Variants in ARGFX observed in about 807,000 individuals in gnomAD.
The protein encoded by ARGFX is arginine-fifty homeobox.
Under a neutral mutation model 8.0 loss-of-function variants are expected in ARGFX, and 10 were observed. The observed-to-expected ratio is 1.25, with a 90% CI of 0.77 to 2.12. The LOEUF (loss-of-function observed/expected upper bound fraction) is 2.12, where lower values mean the gene tolerates loss of function less well. ARGFX is among the 30% of genes most tolerant of loss of function. The probability of loss-of-function intolerance (pLI) is 0.00; values close to 1 mark genes in which losing one functional copy is unlikely to be tolerated. For synonymous variants in ARGFX, 116 were observed against 117.8 expected, an observed-to-expected ratio of 0.98 and a Z score of 0.10; for missense variants, 282 against 324.3, an observed-to-expected ratio of 0.87 and a Z score of 1.00.
chr3:121,576,821 G>T lies in ARGFX; in HGVS notation c.141G>T (p.Thr47=). 2.4e-6 allele frequency: 1 copy of T among 412,758 alleles called. No homozygotes were observed. Among genetic ancestry groups the T allele is most frequent in the Non-Finnish European group, 4.7e-6 (1 of 211,262 alleles). The allele number at this position is 412,758 out of a possible 1,614,324, so 25.6% of individuals were successfully genotyped here. ...TATCCAAGCTGGAGTGCAGTGGCAC[G>T]GTCTCGGCTTACTGCAGCCTCAACC... ...TLLSKLECSG[T]VSAYCSLNLP... The change falls in exon 3 of 5, where the codon ACG becomes ACT. Residue 47 remains threonine, a synonymous_variant. Transcript: ENST00000334384.
intron 4 of ARGFX, among the ~76,000 whole-genome samples, chr3:121,585,439 A>C (rs1284660174): frequency 2.0e-5 from 3 of 152,166 alleles, no homozygotes; most frequent in Middle Eastern, 3.2e-3. Context: ...GTTTATTCAT[A>C]ATGCTACCAA....
chr3:121,574,803 T>G (rs1372679030), intron 2 of ARGFX, among the ~76,000 whole-genome samples: 1 of 152,202 alleles, frequency 6.6e-6, no homozygotes, highest in Non-Finnish European at 1.5e-5. Context: ...GAATTGTTAT[T>G]TCTTACATCT....
At chr3:121,585,863 C>T (rs486813) in intron 4 of ARGFX, among the ~76,000 whole-genome samples, 159 bp from the exon 5 acceptor site, 149,170 of 152,228 alleles carry the variant, frequency 0.98, 73,162 homozygotes, top group East Asian at 1. Context: ...ATCCCTCCTA[C>T]TGACTCCAGT....
At chr3:121,569,718 T>G (rs1293327420) in intron 1 of ARGFX, among the ~76,000 whole-genome samples, 1 of 152,202 alleles carries the variant, frequency 6.6e-6, no homozygotes, top group African/African-American at 2.4e-5. Flanking sequence ...TCTGTGACAT[T>G]AAAATCCATT....
At chr3:121,580,717 G>A (rs1046559978) in intron 3 of ARGFX, among the ~76,000 whole-genome samples, 1 of 150,068 alleles carries the variant, frequency 6.7e-6, no homozygotes, top group African/African-American at 2.4e-5. Context: ...TGATTCTCCT[G>A]CATCAGCCTC....
intron 3 of ARGFX, among the ~76,000 whole-genome samples, chr3:121,581,911 A>T (rs908629860): frequency 6.6e-6 from 1 of 152,158 alleles, no homozygotes; most frequent in Non-Finnish European, 1.5e-5. Context: ...CTGTAAAAAA[A>T]AAAAATCAGC....
At chr3:121,580,913 GTT>G (rs370483146) in intron 3 of ARGFX, among the ~76,000 whole-genome samples, 1 of 152,024 alleles carries the variant, frequency 6.6e-6, no homozygotes, top group Non-Finnish European at 1.5e-5. Flanking sequence ...TCATCTATAT[GTT>G]TTTTATTTAA....
Position 121,587,184 on chromosome 3 carries a change from T to C in ARGFX, c.*584T>C, listed in dbSNP as rs759134915. 2.0e-5 allele frequency among the ~76,000 whole-genome samples: 3 copies of C among 152,180 alleles called. No individual in the cohort carries two copies. Among genetic ancestry groups the C allele is most frequent in the Non-Finnish European group, 4.4e-5 (3 of 68,026 alleles). ...CTCCTGTGTCAGCCTCCTGAGTAGC[T>C]GGGATTACAGGCGTGTGCCACCATG... On this transcript the variant is annotated 3_prime_UTR_variant, in exon 5 of 5. Transcript: ENST00000334384.
At chr3:121,574,901 GAGAGAACAGAAGAAAGTTCAGAAAATT>G (rs1434346649) in intron 2 of ARGFX, among the ~76,000 whole-genome samples, 3 of 152,220 alleles carry the variant, frequency 2.0e-5, no homozygotes, top group African/African-American at 7.2e-5. Context: ...GGTGAGAACT[GAGAGAACAGAAGAAAGTTCAGAAAATT>G]GATATGTTTG....
chr3:121,569,542 T>C (rs1253149357), intron 1 of ARGFX, among the ~76,000 whole-genome samples: 1 of 152,044 alleles, frequency 6.6e-6, no homozygotes, highest in African/African-American at 2.4e-5. Context: ...ATTTTCGTAT[T>C]CTTAGTAGAG....
intron 2 of ARGFX, among the ~76,000 whole-genome samples, chr3:121,576,138 G>A: frequency 6.6e-6 from 1 of 151,666 alleles, no homozygotes; most frequent in African/African-American, 2.4e-5. Context: ...GTGGAGAATG[G>A]GGGTCTCACT....
rs1292864989 is a variant in ARGFX at position 121,586,850 on chromosome 3, T to C, written c.*250T>C. On this transcript the variant is annotated 3_prime_UTR_variant, in exon 5 of 5. Coordinates refer to ENST00000334384, the MANE Select transcript of ARGFX (RefSeq NM_001012659.2). Reference sequence around the variant, plus strand: ...CTCCAAAATTCCCTTCCCAAAACTATCTTGGATTTTCTAAAAGTAGGACAG... The same window carrying C: ...CTCCAAAATTCCCTTCCCAAAACTACCTTGGATTTTCTAAAAGTAGGACAG... Among the ~76,000 whole-genome samples the C allele has an allele frequency of 2.0e-5, 3 of 152,094 alleles. No homozygotes were observed. Among genetic ancestry groups the C allele is most frequent in the Non-Finnish European group, 4.4e-5 (3 of 68,018 alleles).
At chr3:121,568,848 T>C (rs2048689361) in intron 1 of ARGFX, among the ~76,000 whole-genome samples, 1 of 152,226 alleles carries the variant, frequency 6.6e-6, no homozygotes, top group African/African-American at 2.4e-5. Context: ...TAGTGAAGTT[T>C]AATTTCTTTT....
At chr3:121,585,097 C>T (rs1190112145) in intron 4 of ARGFX, 32 bp downstream of exon 4, 1 of 1,608,282 alleles carries the variant, frequency 6.2e-7, no homozygotes, top group South Asian at 1.1e-5. Context: ...TTGGTACCCC[C>T]ATCCAAGCCA....
intron 2 of ARGFX, among the ~76,000 whole-genome samples, chr3:121,574,683 T>G (rs982195483): frequency 6.6e-6 from 1 of 152,242 alleles, no homozygotes; most frequent in Non-Finnish European, 1.5e-5. Flanking sequence ...GCTCACCTCC[T>G]GCTGTGCGGA....
At chr3:121,579,339 A>T (rs2048763638) in intron 3 of ARGFX, among the ~76,000 whole-genome samples, 1 of 152,208 alleles carries the variant, frequency 6.6e-6, no homozygotes, top group African/African-American at 2.4e-5. Context: ...CTTATCTGAT[A>T]CCAAACTGAT....
At chr3:121,583,123 G>A (rs1358629842) in intron 3 of ARGFX, among the ~76,000 whole-genome samples, 1 of 148,736 alleles carries the variant, frequency 6.7e-6, no homozygotes, top group Non-Finnish European at 1.5e-5. Context: ...TCCACCTCCA[G>A]GGTTCAAGCA....
intron 4 of ARGFX, 57 bp from the exon 5 acceptor site, chr3:121,585,965 C>A: frequency 1.4e-6 from 2 of 1,469,594 alleles, no homozygotes; most frequent in South Asian, 1.4e-5. Context: ...TCAGGAGAAT[C>A]CTCCAATGCC....
At chr3:121,570,868 T>A (rs2048704461) in intron 2 of ARGFX, 52 bp downstream of exon 2, 1 of 1,267,278 alleles carries the variant, frequency 7.9e-7, no homozygotes, top group Non-Finnish European at 1.1e-6. Flanking sequence ...CCCATTCTCA[T>A]GCAGCCCTAC....
Sources: allele counts gnomAD v4.1 joint callset (sites outside exome capture counted in the v4.1 genomes callset), GRCh38; gene constraint gnomAD v4.1.1; transcripts MANE v1.5; gene names NCBI Gene and HGNC (gene_info 2026-07-23, HGNC 2026-07-21).